CPT1A: variants seen among roughly 807,000 people sequenced by gnomAD.
The protein encoded by CPT1A is carnitine O-palmitoyltransferase 1, liver isoform.
CPT1A carries 64 observed loss-of-function variants against 100.8 expected under a neutral mutation model. That is an observed-to-expected ratio of 0.63 (90% CI 0.52 to 0.78). The LOEUF is 0.78. CPT1A is among the 30% of genes least tolerant of loss of function. The pLI is 0.00. For missense variants in CPT1A, 802 were observed against 1,034.1 expected, an observed-to-expected ratio of 0.78 and a Z score of 3.08; for synonymous variants, 363 against 396.0, an observed-to-expected ratio of 0.92 and a Z score of 0.99.
At chr11:68,807,445 A>C in intron 4 of CPT1A, 22 bp downstream of exon 4, 2 of 1,611,062 alleles carry the variant, frequency 1.2e-6, no homozygotes, top group East Asian at 2.2e-5. Flanking sequence ...CCCCCTCCAC[A>C]GCCAGAGGGA....
chr11:68,830,996 C>T (rs958244050), intron 1 of CPT1A, among the ~76,000 whole-genome samples: 1 of 152,202 alleles, frequency 6.6e-6, no homozygotes, highest in Admixed American at 6.5e-5. Context: ...CATCAACAAT[C>T]GTGGGGGGGA....
chr11:68,789,558 G>A (rs930327411), intron 9 of CPT1A, among the ~76,000 whole-genome samples: 2 of 152,104 alleles, frequency 1.3e-5, no homozygotes, highest in African/African-American at 4.8e-5. Flanking sequence ...TATCACGCCT[G>A]GTTAATTTTT....
rs1205596587 is a variant in CPT1A at position 68,804,147 on chromosome 11, G to A, written c.454-46C>T. The A allele has an allele frequency of 4.2e-6, 6 of 1,442,528 alleles. No homozygotes were observed. In the East Asian group the frequency reaches 6.8e-5, roughly 16 times the overall value. 89.4% of individuals were successfully genotyped at this position (1,442,528 alleles called of 1,614,324 possible). A position where few individuals can be genotyped will look rare whatever the true frequency, so the allele number is the denominator to read the frequency against. ...TTTCAGACTACTGCCATACTACTCT[G>A]AAGGCACCTGTTCTCGTCTGATCTC... On this transcript the variant is annotated intron_variant, in intron 4 of 18. Transcript: ENST00000265641.
chr11:68,788,415 A>G (rs1184435789), intron 9 of CPT1A, among the ~76,000 whole-genome samples: 1 of 152,070 alleles, frequency 6.6e-6, no homozygotes, highest in Non-Finnish European at 1.5e-5. Context: ...CCTGGCCAAC[A>G]TGGCAAAACC....
intron 3 of CPT1A, among the ~76,000 whole-genome samples, chr11:68,809,646 A>C (rs1391623717): frequency 6.6e-6 from 1 of 152,168 alleles, no homozygotes; most frequent in Non-Finnish European, 1.5e-5. Flanking sequence ...TTTTGAAGGC[A>C]GCAGCCCAGA....
rs955789237 is a variant in CPT1A at position 68,799,264 on chromosome 11, C to T, written c.647G>A (p.Arg216Lys). 4 of 1,613,944 alleles carry T rather than the reference C, an allele frequency of 2.5e-6. No homozygotes were observed. Among genetic ancestry groups the T allele is most frequent in the Non-Finnish European group, 3.4e-6 (4 of 1,179,958 alleles). Residue 216 changes from arginine (R) to lysine (K), a missense_variant, in exon 6 of 19, where the codon AGA becomes AAA. Coordinates refer to ENST00000265641, the MANE Select transcript of CPT1A (RefSeq NM_001876.4). ...AQDFAVGLGP[R>K]LQWYLKLKSW... ...TTTTAACTTCAAATACCACTGTAAT[C>T]TTGGTCCAAGACCGACAGCAAAATC...
At chr11:68,820,271 A>T (rs1856544962) in intron 1 of CPT1A, among the ~76,000 whole-genome samples, 1 of 151,888 alleles carries the variant, frequency 6.6e-6, no homozygotes, top group African/African-American at 2.4e-5. Context: ...GACTCAAGTG[A>T]TCCACCCATC....
intron 1 of CPT1A, among the ~76,000 whole-genome samples, chr11:68,818,390 C>T (rs887862364): frequency 4.6e-5 from 7 of 152,146 alleles, no homozygotes; most frequent in African/African-American, 1.4e-4. Flanking sequence ...CCAGGACATC[C>T]GGGTGGAGAT....
At chr11:68,768,066 C>CT (rs71043448) in intron 14 of CPT1A, among the ~76,000 whole-genome samples, 1,013 of 71,204 alleles carry the variant, frequency 0.014, 328 homozygotes, top group African/African-American at 0.017. Flanking sequence ...AGTTTCCAGT[C>CT]TTTTTTTTTT....
At chr11:68,815,189 G>A (rs534728710) in intron 2 of CPT1A, 145 bp downstream of exon 2, 28 of 796,448 alleles carry the variant, frequency 3.5e-5, no homozygotes, top group South Asian at 3.1e-4. Context: ...TCTATGTGAC[G>A]GTGTCCCCAA....
intron 8 of CPT1A, 75 bp from the exon 9 acceptor site, chr11:68,793,477 G>T: frequency 8.4e-7 from 1 of 1,187,768 alleles, no homozygotes; most frequent in Non-Finnish European, 1.2e-6. Context: ...CGGGTGCGGT[G>T]GCTCACGCCT....
At chr11:68,804,797 C>T (rs910795520) in intron 4 of CPT1A, among the ~76,000 whole-genome samples, 7 of 152,202 alleles carry the variant, frequency 4.6e-5, no homozygotes, top group Admixed American at 1.3e-4. Context: ...GGAGGGTCAA[C>T]GTGCCTGGCC....
rs369619747 is a variant in CPT1A, at chr11:68,779,491, TA to T, written c.1458+1148del. On this transcript the variant is annotated intron_variant, in intron 12 of 18. Coordinates refer to ENST00000265641, the MANE Select transcript of CPT1A (RefSeq NM_001876.4). ...CAAACAGTTCAGAGTAACGAATTAT[TA>T]AAAAAAAAAAAAAAAAAAAAAGGCT... Among the ~76,000 whole-genome samples, 710 of 86,936 alleles carry T rather than the reference TA, an allele frequency of 8.2e-3. 3 individuals are homozygous for T. The highest frequency in any genetic ancestry group is 0.025 in the African/African-American group (565 of 22,598). 57.0% of individuals were successfully genotyped at this position (86,936 alleles called of 152,430 possible).
At chr11:68,757,769 G>A (rs530084338) in intron 18 of CPT1A, 39 bp from the exon 19 acceptor site, 65 of 1,552,410 alleles carry the variant, frequency 4.2e-5, no homozygotes, top group South Asian at 1.3e-4. Flanking sequence ...CTATTAAAAC[G>A]TGGCCATCCC....
intron 9 of CPT1A, among the ~76,000 whole-genome samples, chr11:68,792,335 TA>T (rs922624166): frequency 1.3e-5 from 2 of 151,038 alleles, no homozygotes; most frequent in South Asian, 2.1e-4. Flanking sequence ...AGACTCCCTC[TA>T]AAAAAAAATA....
At chr11:68,817,658 G>A (rs1856466645) in intron 1 of CPT1A, among the ~76,000 whole-genome samples, 2 of 150,512 alleles carry the variant, frequency 1.3e-5, no homozygotes, top group African/African-American at 2.4e-5. Flanking sequence ...GGGGTCAAGG[G>A]CAGGAGGCTG....
At position 68,761,655 on chromosome 11, in the gene CPT1A, C is replaced by T. The variant is rs111407620; in HGVS notation, c.1908G>A (p.Ala636=). 2,132 of 1,614,158 alleles carry T rather than the reference C, an allele frequency of 1.3e-3. 20 individuals are homozygous for T. The African/African-American group carries it at 0.024, about 18-fold the overall frequency. The part of the protein sequence containing the change: ...VEQRLKLFKL[A]SEKHQHMYRL... The stretch of plus-strand genomic sequence containing the variant: ...GATACATATGCTGATGCTTCTCAGA[C>T]GCCAACTTGAACAACTTCAGCCTCT... Residue 636 remains alanine, a synonymous_variant, in exon 16 of 19, where the codon GCG becomes GCA. Coordinates refer to ENST00000265641, the MANE Select transcript of CPT1A (RefSeq NM_001876.4).
chr11:68,759,799 A>ACTT, intron 17 of CPT1A, 138 bp from the exon 18 acceptor site: 1 of 725,608 alleles, frequency 1.4e-6, no homozygotes, highest in Non-Finnish European at 2.5e-6. Flanking sequence ...AGGCTGAGGC[A>ACTT]GGCGGGTCAC....
At chr11:68,770,781 T>G (rs1277730136) in intron 14 of CPT1A, among the ~76,000 whole-genome samples, 2 of 152,240 alleles carry the variant, frequency 1.3e-5, no homozygotes, top group Admixed American at 1.3e-4. Context: ...TAAGATTTTA[T>G]GGAGGGTCTC....
Sources: gnomAD v4.1 joint callset for allele counts (sites outside exome capture counted in the v4.1 genomes callset) on GRCh38, gnomAD v4.1.1 for gene constraint, MANE v1.5 for transcripts, NCBI Gene and HGNC (gene_info 2026-07-23, HGNC 2026-07-21) for gene names.